Variants in CCDC30 observed in about 807,000 individuals in gnomAD.
CCDC30 encodes the protein coiled-coil domain containing 30.
CCDC30 carries 70 observed loss-of-function variants against 100.2 expected under a neutral mutation model. The ratio of observed to expected loss-of-function variants is 0.70; its 90% CI spans 0.58 to 0.85. CCDC30 has a LOEUF of 0.85. Among genes scored for constraint, CCDC30 ranks in the 40% least tolerant of loss-of-function variants. The pLI is 0.00. For synonymous variants in CCDC30, 233 were observed against 269.5 expected (o/e 0.86, Z 1.33); for missense variants, 652 against 771.2 (o/e 0.85, Z 1.83).
intron 11 of CCDC30, among the ~76,000 whole-genome samples, chr1:42,632,148 G>C (rs1251054232): frequency 1.3e-5 from 2 of 152,154 alleles, no homozygotes; most frequent in African/African-American, 4.8e-5. Flanking sequence ...GAGTATCGCT[G>C]CTGGTTACTC....
At chr1:42,468,606 C>T (rs1322923140) in intron 1 of CCDC30, 1 of 152,254 alleles carries the variant, frequency 6.6e-6, no homozygotes, top group Non-Finnish European at 1.5e-5. Context: ...CTGCCACACT[C>T]ACCTGTATTT....
rs535950504 is a variant in CCDC30, at chr1:42,502,200, C to A, written c.456+3284C>A. 5.3e-5 allele frequency among the ~76,000 whole-genome samples: 8 copies of A among 152,328 alleles called. No individual in the cohort carries two copies. The South Asian group carries it at 1.7e-3, about 32-fold the overall frequency. ...CCTCACTGCTGCCTTGCAGTTCGAT[C>A]TCAGACTGCTGTGCTAGCAGTGAGC... On this transcript the variant is annotated intron_variant, in intron 6 of 16. Coordinates refer to ENST00000668663, the Ensembl canonical transcript of CCDC30.
At chr1:42,483,653 G>A (rs377521148) in intron 3 of CCDC30, among the ~76,000 whole-genome samples, 5 of 152,072 alleles carry the variant, frequency 3.3e-5, no homozygotes, top group Admixed American at 6.6e-5. Flanking sequence ...GTTGTTACTC[G>A]TTTGGATATA....
intron 11 of CCDC30, among the ~76,000 whole-genome samples, chr1:42,636,407 A>AAAG (rs1201339315): frequency 3.3e-5 from 5 of 151,704 alleles, no homozygotes; most frequent in East Asian, 3.9e-4. Flanking sequence ...CCCTGTCTCA[A>AAAG]AAGAAGAAGA....
At chr1:42,604,802 T>C (rs1646471953) in intron 10 of CCDC30, among the ~76,000 whole-genome samples, 1 of 152,202 alleles carries the variant, frequency 6.6e-6, no homozygotes, top group Non-Finnish European at 1.5e-5. Context: ...GAAGAAAACC[T>C]GGCATGCTCA....
intron 6 of CCDC30, among the ~76,000 whole-genome samples, chr1:42,510,634 G>C (rs1644462956): frequency 6.6e-6 from 1 of 150,570 alleles, no homozygotes; most frequent in Non-Finnish European, 1.5e-5. Flanking sequence ...TCCAGCCTGG[G>C]TGAGAGAGCA....
intron 6 of CCDC30, among the ~76,000 whole-genome samples, chr1:42,510,889 A>G (rs376299147): frequency 6.6e-6 from 1 of 150,884 alleles, no homozygotes; most frequent in African/African-American, 2.4e-5. Context: ...TGATTGTGCA[A>G]CTCTTGTGAA....
intron 10 of CCDC30, among the ~76,000 whole-genome samples, chr1:42,609,344 T>C (rs1372695209): frequency 1.3e-5 from 2 of 152,230 alleles, no homozygotes; most frequent in Non-Finnish European, 2.9e-5. Flanking sequence ...CAATACATGA[T>C]ACACATACAA....
At chr1:42,476,506 C>G (rs1335376976) in intron 1 of CCDC30, among the ~76,000 whole-genome samples, 2 of 152,028 alleles carry the variant, frequency 1.3e-5, no homozygotes, top group African/African-American at 4.8e-5. Flanking sequence ...GCTTGACCAA[C>G]ATGGAGAAAC....
At chr1:42,495,370 A>G (rs200970134) in intron 4 of CCDC30, among the ~76,000 whole-genome samples, 58,093 of 151,104 alleles carry the variant, frequency 0.38, 11,626 homozygotes, top group East Asian at 0.59. Flanking sequence ...GTGGGGAGAG[A>G]GGGGAGGGAT....
chr1:42,597,362 G>T (rs1359441543), intron 10 of CCDC30, among the ~76,000 whole-genome samples: 1 of 152,074 alleles, frequency 6.6e-6, no homozygotes, highest in Non-Finnish European at 1.5e-5. Context: ...CTACATCTAG[G>T]CATAAAATTT....
chr1:42,590,865 T>C (rs892634024), intron 10 of CCDC30: 2 of 152,130 alleles, frequency 1.3e-5, no homozygotes, highest in African/African-American at 4.8e-5. Flanking sequence ...AAGGAAGTTA[T>C]TGGGAACTGG....
intron 6 of CCDC30, among the ~76,000 whole-genome samples, chr1:42,523,513 C>T (rs2148506073): frequency 6.6e-6 from 1 of 152,066 alleles, no homozygotes; most frequent in South Asian, 2.1e-4. Flanking sequence ...CTGCTTTCAA[C>T]ATTTTCTTTT....
intron 6 of CCDC30, among the ~76,000 whole-genome samples, chr1:42,551,742 GGTGTGTGT>G (rs34048456): frequency 1.0e-4 from 15 of 144,496 alleles, no homozygotes; most frequent in South Asian, 2.3e-4. Flanking sequence ...GATAAATTCT[GGTGTGTGT>G]GTGTGTGTGT....
intron 1 of CCDC30, among the ~76,000 whole-genome samples, chr1:42,478,388 A>G (rs1027148673): frequency 2.0e-5 from 3 of 152,184 alleles, no homozygotes; most frequent in Non-Finnish European, 2.9e-5. Context: ...TGGTGGGTGA[A>G]ATCTTGGATG....
intron 6 of CCDC30, among the ~76,000 whole-genome samples, chr1:42,541,056 T>G (rs996494833): frequency 2.6e-5 from 4 of 152,330 alleles, no homozygotes; most frequent in Admixed American, 1.3e-4. Flanking sequence ...CAGTTTGGGC[T>G]GCTATAACAT....
At chr1:42,456,965 A>AGCTC in the CCDC30 span, 1 of 1,604,022 alleles carries the variant, frequency 6.2e-7, no homozygotes, top group Non-Finnish European at 8.5e-7. Flanking sequence ...GGCTCTGAGG[A>AGCTC]GCTACCAGGA....
chr1:42,538,398 T>A (rs1459935318), intron 6 of CCDC30, among the ~76,000 whole-genome samples: 1 of 151,662 alleles, frequency 6.6e-6, no homozygotes, highest in Non-Finnish European at 1.5e-5. Flanking sequence ...GTTAATTAAG[T>A]CACTGAATAT....
At chr1:42,653,489 C>A (rs1426137482) in intron 16 of CCDC30, 46 bp downstream of exon 20, 4 of 1,254,178 alleles carry the variant, frequency 3.2e-6, no homozygotes, top group Non-Finnish European at 4.6e-6. Context: ...CTGAGATGGA[C>A]TGTCAGCCAT....
Sources: allele counts gnomAD v4.1 joint callset (sites outside exome capture counted in the v4.1 genomes callset), GRCh38; gene constraint gnomAD v4.1.1; transcripts MANE v1.5; gene names NCBI Gene and HGNC (gene_info 2026-07-23, HGNC 2026-07-21).